Variants in LUZP2 observed in about 807,000 individuals in gnomAD.
LUZP2 encodes leucine zipper protein 2.
LUZP2 carries 52 observed loss-of-function variants against 51.6 expected under a neutral mutation model. The ratio of observed to expected loss-of-function variants is 1.01; its 90% confidence interval spans 0.81 to 1.27. The LOEUF (loss-of-function observed/expected upper bound fraction) is 1.27. Ranked by LOEUF, LUZP2 falls within the 50% of genes most tolerant of loss-of-function variation. LUZP2 has a pLI of 0.00. For missense variants in LUZP2, 436 were observed against 395.4 expected, an observed-to-expected ratio of 1.10 and a Z score of -0.87; for synonymous variants, 154 against 137.3, an observed-to-expected ratio of 1.12 and a Z score of -0.85.
At chr11:24,558,613 A>T (rs1851941917) in intron 1 of LUZP2, among the ~76,000 whole-genome samples, 1 of 152,138 alleles carries the variant, frequency 6.6e-6, no homozygotes, top group South Asian at 2.1e-4. Context: ...TTTCTTCCAA[A>T]ATTCTTGTTG....
rs866773293 is a variant in LUZP2, at chr11:24,984,547, T to A, written c.765+1254T>A. Among the ~76,000 whole-genome samples the A allele has an allele frequency of 3.1e-4, 33 of 105,896 alleles. 1 individual carries two copies. The highest frequency in any genetic ancestry group is 4.9e-4 in the African/African-American group (12 of 24,300). The allele number at this position is 105,896 out of a possible 152,430, so 69.5% of individuals were successfully genotyped here. ...TTTTATATATATATATATATATATA[T>A]ATAATTGTGAATTTTAAAAGCCACA... is the stretch of plus-strand genomic sequence containing the variant. On this transcript the variant is annotated intron_variant, in intron 9 of 11. Transcript: ENST00000336930.
chr11:24,683,698 G>A (rs1856814504), intron 1 of LUZP2, among the ~76,000 whole-genome samples: 1 of 152,070 alleles, frequency 6.6e-6, no homozygotes, highest in African/African-American at 2.4e-5. Flanking sequence ...TTGACCTCAT[G>A]GACATAATTT....
At chr11:25,018,077 GA>G (rs1380823395) in intron 9 of LUZP2, among the ~76,000 whole-genome samples, 9 of 113,840 alleles carry the variant, frequency 7.9e-5, no homozygotes, top group Non-Finnish European at 7.8e-5. Flanking sequence ...TTTTAAAAAG[GA>G]TTGAGTTCTT....
At chr11:24,661,521 G>A (rs1008452682) in intron 1 of LUZP2, among the ~76,000 whole-genome samples, 1 of 152,184 alleles carries the variant, frequency 6.6e-6, no homozygotes, top group Non-Finnish European at 1.5e-5. Flanking sequence ...GGGCTGCAGA[G>A]TCAGCATGAA....
intron 1 of LUZP2, among the ~76,000 whole-genome samples, chr11:24,517,809 A>G (rs1850526466): frequency 6.6e-6 from 1 of 152,144 alleles, no homozygotes; most frequent in Non-Finnish European, 1.5e-5. Context: ...ATTGTGTCTG[A>G]AGAAAGAAAA....
chr11:24,707,163 C>T (rs1156588949), intron 1 of LUZP2, among the ~76,000 whole-genome samples: 2 of 151,926 alleles, frequency 1.3e-5, no homozygotes, highest in Non-Finnish European at 2.9e-5. Flanking sequence ...CTCTAAATTT[C>T]AAACATAAAA....
At chr11:24,636,153 T>TA (rs1437240915) in intron 1 of LUZP2, among the ~76,000 whole-genome samples, 1 of 152,140 alleles carries the variant, frequency 6.6e-6, no homozygotes, top group African/African-American at 2.4e-5. Flanking sequence ...CTACACACTG[T>TA]AAGAGAACAC....
chr11:24,972,341 G>C (rs1855765104), intron 7 of LUZP2, among the ~76,000 whole-genome samples: 1 of 151,618 alleles, frequency 6.6e-6, no homozygotes. Context: ...CTATTGAACT[G>C]GTACTACTCT....
chr11:25,015,761 T>C (rs1857131320), intron 9 of LUZP2, among the ~76,000 whole-genome samples: 1 of 152,158 alleles, frequency 6.6e-6, no homozygotes, highest in African/African-American at 2.4e-5. Flanking sequence ...TAGTGTCTAC[T>C]GAAAATTTAT....
intron 1 of LUZP2, among the ~76,000 whole-genome samples, chr11:24,718,365 A>T (rs974543420): frequency 6.6e-6 from 1 of 152,204 alleles, no homozygotes; most frequent in African/African-American, 2.4e-5. Context: ...GGTCAAATGA[A>T]GCTAGCAGTC....
At chr11:24,652,740 C>T (rs1287302019) in intron 1 of LUZP2, among the ~76,000 whole-genome samples, 1 of 151,974 alleles carries the variant, frequency 6.6e-6, no homozygotes, top group Non-Finnish European at 1.5e-5. Context: ...AATACCTTCA[C>T]ATTTATTCCT....
chr11:24,708,235 T>G (rs1857675002), intron 1 of LUZP2, among the ~76,000 whole-genome samples: 1 of 152,168 alleles, frequency 6.6e-6, no homozygotes, highest in Non-Finnish European at 1.5e-5. Context: ...GTGAATATTC[T>G]TCCCTCAGCC....
chr11:24,581,135 T>G (rs2133821475), intron 1 of LUZP2, among the ~76,000 whole-genome samples: 1 of 148,248 alleles, frequency 6.7e-6, no homozygotes, highest in Non-Finnish European at 1.5e-5. Context: ...CTAGCACCAT[T>G]AAATTTCTTC....
intron 9 of LUZP2, among the ~76,000 whole-genome samples, chr11:24,988,739 A>T (rs181821435): frequency 2.0e-5 from 3 of 152,046 alleles, no homozygotes; most frequent in Non-Finnish European, 4.4e-5. Flanking sequence ...CATACATTTA[A>T]TAACTATGTA....
chr11:24,546,943 T>C (rs893403527), intron 1 of LUZP2, among the ~76,000 whole-genome samples: 6 of 145,284 alleles, frequency 4.1e-5, no homozygotes, highest in African/African-American at 1.5e-4. Context: ...TGTGTGTTTT[T>C]GTTGTTGTTG....
intron 9 of LUZP2, among the ~76,000 whole-genome samples, chr11:25,027,866 T>C (rs1389890489): frequency 2.5e-5 from 1 of 39,512 alleles, no homozygotes; most frequent in East Asian, 6.9e-4. Context: ...CGAAATTCCG[T>C]CTCAAAAAAA....
chr11:25,024,243 G>A (rs1227377697), intron 9 of LUZP2, among the ~76,000 whole-genome samples: 1 of 152,050 alleles, frequency 6.6e-6, no homozygotes, highest in African/African-American at 2.4e-5. Context: ...GCACAAGACA[G>A]GGATGCCCTC....
intron 1 of LUZP2, among the ~76,000 whole-genome samples, chr11:24,655,210 C>A (rs1855764851): frequency 6.6e-6 from 1 of 152,032 alleles, no homozygotes; most frequent in Admixed American, 6.5e-5. Flanking sequence ...CCAACAGAGA[C>A]TTTTGTTACA....
chr11:24,940,182 A>G (rs1485524370), intron 7 of LUZP2, among the ~76,000 whole-genome samples: 1 of 152,234 alleles, frequency 6.6e-6, no homozygotes, highest in African/African-American at 2.4e-5. Flanking sequence ...TACTACTTTC[A>G]TATTTCTCTT....
Sources: allele counts gnomAD v4.1 joint callset (sites outside exome capture counted in the v4.1 genomes callset), GRCh38; gene constraint gnomAD v4.1.1; transcripts MANE v1.5; gene names NCBI Gene and HGNC (gene_info 2026-07-23, HGNC 2026-07-21).